Variants in TRDN observed in about 807,000 individuals in gnomAD.
TRDN encodes the protein triadin in skeletal muscle.
TRDN carries 161 observed loss-of-function variants against 149.7 expected under a neutral mutation model. The observed-to-expected ratio is 1.08, with a 90% CI of 0.95 to 1.23. The LOEUF is 1.23. Ranked by LOEUF, TRDN falls within the 50% of genes most tolerant of loss-of-function variation. TRDN has a pLI of 0.00. For missense variants in TRDN, 896 were observed against 823.5 expected (o/e 1.09, Z -1.08); for synonymous variants, 294 against 250.5 (o/e 1.17, Z -1.64).
intron 24 of TRDN, among the ~76,000 whole-genome samples, chr6:123,306,221 C>T (rs1778605383): frequency 6.6e-6 from 1 of 152,042 alleles, no homozygotes; most frequent in African/African-American, 2.4e-5. Flanking sequence ...GCCAAATCTG[C>T]CCTGAGAACA....
chr6:123,525,065 T>C (rs1180788892), intron 5 of TRDN, among the ~76,000 whole-genome samples: 1 of 152,096 alleles, frequency 6.6e-6, no homozygotes, highest in Non-Finnish European at 1.5e-5. Context: ...ACAGATGTCA[T>C]GGATGCATAA....
chr6:123,225,918 T>A (rs1036226075), intron 38 of TRDN, among the ~76,000 whole-genome samples: 1 of 151,754 alleles, frequency 6.6e-6, no homozygotes, highest in African/African-American at 2.4e-5. Context: ...TGAAAGAAGG[T>A]CAGTTTTGTC....
chr6:123,574,619 A>G (rs1782739015), intron 1 of TRDN, among the ~76,000 whole-genome samples: 1 of 151,796 alleles, frequency 6.6e-6, no homozygotes, highest in East Asian at 1.9e-4. Context: ...CAGTTTTTTA[A>G]CCACTGGAAG....
At chr6:123,464,680 T>A in intron 10 of TRDN, 1 of 1,305,614 alleles carries the variant, frequency 7.7e-7, no homozygotes, top group Non-Finnish European at 9.8e-7. Context: ...AGAGTGGGCA[T>A]CCTTCTGGAA....
intron 12 of TRDN, among the ~76,000 whole-genome samples, chr6:123,420,098 C>T (rs980073851): frequency 9.9e-5 from 15 of 152,124 alleles, no homozygotes; most frequent in African/African-American, 3.4e-4. Flanking sequence ...GCAAAGTGCT[C>T]GTAATTTAAT....
intron 21 of TRDN, chr6:123,350,081 C>T: frequency 1.0e-6 from 1 of 979,016 alleles, no homozygotes; most frequent in Non-Finnish European, 1.2e-6. Flanking sequence ...CATTTATGAT[C>T]AACAGGCTCC....
intron 9 of TRDN, among the ~76,000 whole-genome samples, chr6:123,485,169 C>G (rs1323064631): frequency 6.6e-6 from 1 of 152,078 alleles, no homozygotes; most frequent in African/African-American, 2.4e-5. Context: ...CCTAGGCTCG[C>G]TCTCATTTCT....
At chr6:123,284,878 C>G (rs1009775414) in intron 24 of TRDN, among the ~76,000 whole-genome samples, 2 of 152,030 alleles carry the variant, frequency 1.3e-5, no homozygotes, top group African/African-American at 2.4e-5. Flanking sequence ...AGTGACCAAG[C>G]TGAGACTCGA....
intron 38 of TRDN, among the ~76,000 whole-genome samples, chr6:123,234,856 G>A (rs188878370): frequency 3.2e-4 from 49 of 152,224 alleles, no homozygotes; most frequent in African/African-American, 9.6e-4. Context: ...ATTAGGACAA[G>A]TGCTTATATT....
chr6:123,241,834 A>C (rs1412312112), intron 38 of TRDN, among the ~76,000 whole-genome samples: 3 of 152,056 alleles, frequency 2.0e-5, no homozygotes, highest in Non-Finnish European at 4.4e-5. Context: ...ATTTTGATGA[A>C]GTGCTAATGG....
chr6:123,473,489 G>A (rs1777296607), intron 9 of TRDN, among the ~76,000 whole-genome samples: 1 of 151,956 alleles, frequency 6.6e-6, no homozygotes, highest in Admixed American at 6.6e-5. Flanking sequence ...GAAAGTGATG[G>A]GGAGAATGGA....
At chr6:123,246,554 A>C (rs1776189139) in intron 38 of TRDN, among the ~76,000 whole-genome samples, 1 of 152,088 alleles carries the variant, frequency 6.6e-6, no homozygotes, top group African/African-American at 2.4e-5. Flanking sequence ...ATCCCTGAAT[A>C]GACCAATAAA....
At chr6:123,259,773 T>C in intron 34 of TRDN, 111 bp from the exon 35 acceptor site, 1 of 700,124 alleles carries the variant, frequency 1.4e-6, no homozygotes, top group Non-Finnish European at 2.3e-6. Flanking sequence ...GTGGAGGGAG[T>C]CAGGGCTCTC....
At chr6:123,478,515 G>A (rs1455542174) in intron 9 of TRDN, among the ~76,000 whole-genome samples, 2 of 152,128 alleles carry the variant, frequency 1.3e-5, no homozygotes, top group African/African-American at 4.8e-5. Flanking sequence ...TTTGCGTATA[G>A]GTAAGGAAAA....
intron 10 of TRDN, among the ~76,000 whole-genome samples, chr6:123,454,508 A>G (rs552829504): frequency 6.6e-6 from 1 of 152,332 alleles, no homozygotes; most frequent in African/African-American, 2.4e-5. Flanking sequence ...GTAAAAGTCT[A>G]CACATCTTAT....
At chr6:123,323,926 T>A (rs923607301) in intron 23 of TRDN, among the ~76,000 whole-genome samples, 21 of 152,156 alleles carry the variant, frequency 1.4e-4, no homozygotes, top group African/African-American at 4.8e-4. Context: ...ATAGGTGAGA[T>A]ATAATTGGAG....
chr6:123,278,292 T>C (rs1777449676), intron 26 of TRDN, 26 bp downstream of exon 26: 3 of 1,258,008 alleles, frequency 2.4e-6, no homozygotes, highest in South Asian at 1.4e-5. Context: ...GGAAATCATA[T>C]ATGTGTATAA....
intron 12 of TRDN, among the ~76,000 whole-genome samples, chr6:123,415,302 A>C (rs1439513322): frequency 2.0e-5 from 3 of 152,228 alleles, no homozygotes; most frequent in Non-Finnish European, 4.4e-5. Flanking sequence ...ACAAATTATA[A>C]AAATATTTAC....
At chr6:123,293,833 T>C (rs756835704) in intron 24 of TRDN, among the ~76,000 whole-genome samples, 8 of 152,122 alleles carry the variant, frequency 5.3e-5, no homozygotes, top group Non-Finnish European at 1.0e-4. Context: ...GAGATGAATG[T>C]ACATTGGCCA....
Sources: gnomAD v4.1 joint callset for allele counts (sites outside exome capture counted in the v4.1 genomes callset) on GRCh38, gnomAD v4.1.1 for gene constraint, MANE v1.5 for transcripts, NCBI Gene and HGNC (gene_info 2026-07-23, HGNC 2026-07-21) for gene names.